The following FIP1L1 variants were observed in gnomAD, a reference collection of about 807,000 sequenced individuals.
The protein encoded by FIP1L1 is pre-mRNA 3'-end-processing factor FIP1.
Under a neutral mutation model 84.6 loss-of-function variants are expected in FIP1L1, and 21 were observed. The ratio of observed to expected loss-of-function variants is 0.25; its 90% CI spans 0.18 to 0.36. The LOEUF is 0.36. Among genes scored for constraint, FIP1L1 ranks in the 10% least tolerant of loss-of-function variants. FIP1L1 has a pLI of 1.00. For synonymous variants in FIP1L1, 263 were observed against 242.3 expected, an observed-to-expected ratio of 1.09 and a Z score of -0.80; for missense variants, 526 against 751.1, an observed-to-expected ratio of 0.70 and a Z score of 3.50.
At chr4:53,433,033 T>C (rs1767456946) in intron 13 of FIP1L1, among the ~76,000 whole-genome samples, 1 of 152,236 alleles carries the variant, frequency 6.6e-6, no homozygotes, top group Non-Finnish European at 1.5e-5. Flanking sequence ...AGTCTGTGTT[T>C]AGCTGAAGTC....
At chr4:53,383,936 C>T (rs1739458662) in intron 5 of FIP1L1, 60 bp downstream of exon 5, 1 of 1,428,916 alleles carries the variant, frequency 7.0e-7, no homozygotes, top group Non-Finnish European at 9.5e-7. Flanking sequence ...GAGAGTGTGC[C>T]TATATCAAAC....
At chr4:53,455,654 G>A (rs1476957357) in intron 16 of FIP1L1, among the ~76,000 whole-genome samples, 1 of 152,066 alleles carries the variant, frequency 6.6e-6, no homozygotes, top group Non-Finnish European at 1.5e-5. Flanking sequence ...CCTGTTCAGA[G>A]ATATTATAAC....
chr4:53,409,501 C>G (rs1193087130), intron 10 of FIP1L1, among the ~76,000 whole-genome samples: 3 of 152,212 alleles, frequency 2.0e-5, no homozygotes, highest in Non-Finnish European at 4.4e-5. Context: ...CAGCTGCGTG[C>G]TGGGAGAACC....
chr4:53,428,478 A>C (rs1765224044), intron 13 of FIP1L1, among the ~76,000 whole-genome samples: 1 of 152,224 alleles, frequency 6.6e-6, no homozygotes, highest in African/African-American at 2.4e-5. Context: ...ATCCATACTC[A>C]GTTACAAACT....
chr4:53,425,679 TTTA>T (rs1414072754), intron 11 of FIP1L1, among the ~76,000 whole-genome samples, 190 bp from the exon 12 acceptor site: 2 of 152,166 alleles, frequency 1.3e-5, no homozygotes, highest in Non-Finnish European at 2.9e-5. Context: ...TTCTAGCTTG[TTTA>T]TTAATAAAAA....
rs1738538948 is a variant in FIP1L1 at position 53,382,343 on chromosome 4, A to G, written c.228+8A>G. On this transcript the variant is annotated splice_region_variant and intron_variant, in intron 4 of 17. Transcript: ENST00000337488. ...AATGGTGTACCAAAACCGGTAACAT[A>G]AGGCTTTGAAATCCAGTTACTGATA... 2 of 1,607,366 alleles carry G rather than the reference A, an allele frequency of 1.2e-6. No homozygotes were observed. The highest frequency in any genetic ancestry group is 1.3e-5 in the African/African-American group (1 of 74,878).
At chr4:53,442,049 C>T (rs1369716515) in intron 13 of FIP1L1, among the ~76,000 whole-genome samples, 1 of 151,912 alleles carries the variant, frequency 6.6e-6, no homozygotes, top group Non-Finnish European at 1.5e-5. Flanking sequence ...ATGCAGACCC[C>T]ACGATATAGA....
chr4:53,404,403 G>T (rs1170070560), intron 10 of FIP1L1, among the ~76,000 whole-genome samples: 1 of 151,892 alleles, frequency 6.6e-6, no homozygotes, highest in African/African-American at 2.4e-5. Context: ...TCTTAATCCA[G>T]TCTGTCATTG....
chr4:53,410,218 C>CTT (rs1756456801), intron 10 of FIP1L1, among the ~76,000 whole-genome samples: 2 of 152,200 alleles, frequency 1.3e-5, no homozygotes, highest in African/African-American at 4.8e-5. Context: ...GAGAAGACAA[C>CTT]ACTTCATGAG....
chr4:53,459,026 A>G (rs925389254), intron 17 of FIP1L1, among the ~76,000 whole-genome samples: 2 of 152,090 alleles, frequency 1.3e-5, no homozygotes, highest in African/African-American at 4.8e-5. Flanking sequence ...GCCTGTTTCT[A>G]ATTTGTTACT....
chr4:53,388,839 A>G (rs1742589393), intron 5 of FIP1L1, among the ~76,000 whole-genome samples: 1 of 152,250 alleles, frequency 6.6e-6, no homozygotes, highest in African/African-American at 2.4e-5. Context: ...TCATTTATAC[A>G]AGTAAAAATG....
At chr4:53,435,612 C>T (rs1358925629) in intron 13 of FIP1L1, among the ~76,000 whole-genome samples, 3 of 152,026 alleles carry the variant, frequency 2.0e-5, no homozygotes, top group South Asian at 2.1e-4. Context: ...TGTAAAATTA[C>T]CTTTTTTACC....
intron 10 of FIP1L1, among the ~76,000 whole-genome samples, chr4:53,405,661 G>C (rs10434435): frequency 0.11 from 15,432 of 141,706 alleles, 849 homozygotes; most frequent in East Asian, 0.14. Flanking sequence ...TCTTCCATTT[G>C]TTTGTGTCCT....
At chr4:53,434,983 A>G (rs1028716336) in intron 13 of FIP1L1, among the ~76,000 whole-genome samples, 11 of 152,186 alleles carry the variant, frequency 7.2e-5, no homozygotes, top group Non-Finnish European at 1.5e-4. Context: ...AGCTAATTTT[A>G]TAATACCATG....
At chr4:53,436,370 G>GT (rs1013024380) in intron 13 of FIP1L1, among the ~76,000 whole-genome samples, 1 of 152,076 alleles carries the variant, frequency 6.6e-6, no homozygotes, top group African/African-American at 2.4e-5. Flanking sequence ...AAAGGATTTT[G>GT]TTTTTTTCTA....
chr4:53,441,345 G>A (rs1367326508), intron 13 of FIP1L1, among the ~76,000 whole-genome samples: 3 of 151,864 alleles, frequency 2.0e-5, no homozygotes, highest in Non-Finnish European at 4.4e-5. Flanking sequence ...AAAGAGTGAA[G>A]TTTAGGTAGC....
At chr4:53,441,702 CT>C (rs1772007034) in intron 13 of FIP1L1, among the ~76,000 whole-genome samples, 1 of 151,902 alleles carries the variant, frequency 6.6e-6, no homozygotes, top group Non-Finnish European at 1.5e-5. Flanking sequence ...CACAGAATTA[CT>C]AAAACGGAGG....
At chr4:53,427,365 G>A (rs1224068298) in intron 12 of FIP1L1, among the ~76,000 whole-genome samples, 1 of 152,148 alleles carries the variant, frequency 6.6e-6, no homozygotes, top group African/African-American at 2.4e-5. Context: ...TTTTATTTCA[G>A]TAGGTTTGGG....
At chr4:53,403,107 A>G (rs921759779) in intron 10 of FIP1L1, among the ~76,000 whole-genome samples, 24 of 152,302 alleles carry the variant, frequency 1.6e-4, no homozygotes, top group Middle Eastern at 6.8e-3. Flanking sequence ...AGTTCTGTGA[A>G]TAAACTAGGT....
Sources: gnomAD v4.1 joint callset for allele counts (sites outside exome capture counted in the v4.1 genomes callset) on GRCh38, gnomAD v4.1.1 for gene constraint, MANE v1.5 for transcripts, NCBI Gene and HGNC (gene_info 2026-07-23, HGNC 2026-07-21) for gene names.